DNAH17: variants seen among roughly 807,000 people sequenced by gnomAD.
The protein encoded by DNAH17 is dynein axonemal heavy chain 17, also known as axonemal beta dynein heavy chain 17.
A neutral mutation model predicts 485.6 loss-of-function variants in DNAH17; 376 were observed. That is an observed-to-expected ratio of 0.77 (90% confidence interval 0.71 to 0.84). The LOEUF is 0.84. Among genes scored for constraint, DNAH17 ranks in the 40% least tolerant of loss-of-function variants. DNAH17 has a pLI of 0.00. For synonymous variants in DNAH17, 3,031 were observed against 2,405.9 expected, an observed-to-expected ratio of 1.26 and a Z score of -7.60; for missense variants, 6,370 against 5,839.3, an observed-to-expected ratio of 1.09 and a Z score of -2.96.
intron 63 of DNAH17, 80 bp from the exon 64 acceptor site, chr17:78,454,785 C>A: frequency 8.0e-7 from 1 of 1,254,500 alleles, no homozygotes. Flanking sequence ...AAATAATGCT[C>A]TGTCTGGTGC....
At chr17:78,451,370 C>T (rs1007177894) in intron 66 of DNAH17, 99 bp downstream of exon 66, 2 of 1,137,438 alleles carry the variant, frequency 1.8e-6, no homozygotes, top group Non-Finnish European at 2.5e-6. Context: ...CAACGACACA[C>T]ACTGGACTGG....
intron 56 of DNAH17, 92 bp downstream of exon 56, chr17:78,466,563 C>A: frequency 2.2e-6 from 3 of 1,353,296 alleles, no homozygotes; most frequent in Non-Finnish European, 2.9e-6. Context: ...TCACCCTAAT[C>A]CCAGCGCCCT....
intron 9 of DNAH17, 145 bp from the exon 10 acceptor site, chr17:78,567,311 C>A (rs2092283451): frequency 1.3e-6 from 1 of 762,402 alleles, no homozygotes. Context: ...GGAGGACACC[C>A]TCTGTGTCTG....
intron 16 of DNAH17, among the ~76,000 whole-genome samples, chr17:78,549,405 G>A (rs192321835): frequency 5.3e-5 from 8 of 152,290 alleles, no homozygotes; most frequent in Non-Finnish European, 1.0e-4. Context: ...AGGACAGTGG[G>A]CCCAAGTGTT....
At position 78,501,723 on chromosome 17, in the gene DNAH17, G is replaced by A. The variant is rs570608890; in HGVS notation, c.5322+19C>T. On this transcript the variant is annotated intron_variant, in intron 34 of 80. Coordinates refer to ENST00000389840, the MANE Select transcript of DNAH17 (RefSeq NM_173628.4). ...TCCCCTTGCCCTTCCCCTGGCCCCT[G>A]GGACAGGGGCGCTCATGCCTTGGCC... 5 of 1,609,904 alleles carry A rather than the reference G, an allele frequency of 3.1e-6. No individual in the cohort carries two copies. The highest frequency in any genetic ancestry group is 4.5e-5 in the East Asian group (2 of 44,832).
chr17:78,529,322 T>C, intron 22 of DNAH17, 150 bp downstream of exon 22: 2 of 775,582 alleles, frequency 2.6e-6, no homozygotes, highest in South Asian at 3.5e-5. Context: ...ACCTCCTCCC[T>C]GCACCTCCCT....
intron 62 of DNAH17, among the ~76,000 whole-genome samples, chr17:78,457,239 C>T (rs1333373182): frequency 6.6e-6 from 1 of 152,164 alleles, no homozygotes; most frequent in Non-Finnish European, 1.5e-5. Flanking sequence ...GGTGTGGTGG[C>T]ACGCATCTGT....
intron 7 of DNAH17, 139 bp downstream of exon 7, chr17:78,570,108 G>C (rs571596169): frequency 3.1e-6 from 3 of 970,124 alleles, no homozygotes; most frequent in South Asian, 1.8e-5. Flanking sequence ...ATCTCAGCTC[G>C]GGGCCTGAAA....
intron 73 of DNAH17, among the ~76,000 whole-genome samples, chr17:78,438,787 C>T (rs1457381720): frequency 2.0e-5 from 3 of 152,094 alleles, no homozygotes; most frequent in Admixed American, 6.5e-5. Flanking sequence ...GTGTGAGCCA[C>T]CGTGCCCAAC....
At chr17:78,534,217 T>TA (rs2143345735) in intron 19 of DNAH17, among the ~76,000 whole-genome samples, 1 of 152,328 alleles carries the variant, frequency 6.6e-6, no homozygotes, top group African/African-American at 2.4e-5. Flanking sequence ...AGACAGCCTA[T>TA]AGCCCAGAGC....
In DNAH17 at chr17:78,475,449, C is replaced by A. The variant is rs2088970224; in HGVS notation, c.8340G>T (p.Val2780=). 1 of 1,613,748 alleles carries A rather than the reference C, an allele frequency of 6.2e-7. No homozygotes were observed. Among genetic ancestry groups the A allele is most frequent in the South Asian group, 1.1e-5 (1 of 91,080 alleles). ...TGCGATTAATCCTGCAGATGTGAGCCACGGCGTCCTCAAACAGCACCTGCA... is the reference window on the plus strand; with the variant it reads ...TGCGATTAATCCTGCAGATGTGAGCAACGGCGTCCTCAAACAGCACCTGCA... The part of the protein sequence containing the change: ...VMNLVLFEDA[V]AHICRINRIL... Residue 2780 remains valine (V), a synonymous_variant, in exon 54 of 81, where the codon GTG becomes GTT. Coordinates refer to ENST00000389840, the MANE Select transcript of DNAH17 (RefSeq NM_173628.4).
chr17:78,486,706 C>T (rs761400874), intron 44 of DNAH17, among the ~76,000 whole-genome samples, 200 bp from the exon 45 acceptor site: 4 of 152,182 alleles, frequency 2.6e-5, no homozygotes, highest in Non-Finnish European at 5.9e-5. Flanking sequence ...AGGAGGATGC[C>T]AGGGTCGTGG....
intron 25 of DNAH17, among the ~76,000 whole-genome samples, chr17:78,516,794 G>A (rs753133376): frequency 6.6e-6 from 1 of 151,986 alleles, no homozygotes; most frequent in African/African-American, 2.4e-5. Flanking sequence ...TTAAGGCCTG[G>A]CTGTAATAAA....
intron 7 of DNAH17, 95 bp from the exon 8 acceptor site, chr17:78,569,622 C>G: frequency 7.1e-7 from 1 of 1,402,554 alleles, no homozygotes; most frequent in Non-Finnish European, 9.5e-7. Flanking sequence ...TCTGTTCTGA[C>G]ATATGGATAT....
chr17:78,544,012 C>T lies in DNAH17; in HGVS notation c.2392-15G>A, dbSNP rs1311927070. Reference sequence around the variant, plus strand: ...GCCGACCAGTCCTGGAAGGAAAGCACAGGAGTGAGAAAAGGTGTTCTGGAG... The same window carrying T: ...GCCGACCAGTCCTGGAAGGAAAGCATAGGAGTGAGAAAAGGTGTTCTGGAG... On this transcript the variant is annotated splice_polypyrimidine_tract_variant and intron_variant, in intron 16 of 80. Transcript: ENST00000389840. 9 of 1,613,804 alleles carry T rather than the reference C, an allele frequency of 5.6e-6. No homozygotes were observed. The highest frequency in any genetic ancestry group is 7.6e-6 in the Non-Finnish European group (9 of 1,179,862).
At chr17:78,576,755 C>A (rs956451742) in intron 1 of DNAH17, among the ~76,000 whole-genome samples, 1 of 152,180 alleles carries the variant, frequency 6.6e-6, no homozygotes, top group Non-Finnish European at 1.5e-5. Context: ...ACAAAGTCAT[C>A]TTTTCTTCCA....
intron 54 of DNAH17, among the ~76,000 whole-genome samples, chr17:78,469,486 A>C (rs537914218): frequency 1.3e-5 from 2 of 152,302 alleles, no homozygotes; most frequent in Non-Finnish European, 2.9e-5. Context: ...GCGGTGGCTC[A>C]TGCTTATAAT....
At chr17:78,451,727 G>A in intron 65 of DNAH17, 54 bp from the exon 66 acceptor site, 1 of 1,475,982 alleles carries the variant, frequency 6.8e-7, no homozygotes, top group Non-Finnish European at 9.1e-7. Context: ...CAGGGGAGAG[G>A]AACACAAGTA....
chr17:78,486,484 T>C lies in DNAH17; in HGVS notation c.6841A>G (p.Arg2281Gly). The C allele has an allele frequency of 6.2e-7, 1 of 1,609,854 alleles. No individual in the cohort carries two copies. The highest frequency in any genetic ancestry group is 8.5e-7 in the Non-Finnish European group (1 of 1,177,416). ...GCCTTCTCCGACTGCACCTTGCGCC[T>C]CTCGATCCAGCTGCTCACCACCCTG... ...WNPVVSSWIE[R>G]RKVQSEKANL... The change falls in exon 45 of 81, where the codon AGG becomes GGG. Residue 2281 changes from arginine (R) to glycine (G), a missense_variant. By Grantham distance (125) the Arg-to-Gly change is moderately radical. Transcript: ENST00000389840.
Sources: gnomAD v4.1 joint callset for allele counts (sites outside exome capture counted in the v4.1 genomes callset) on GRCh38, gnomAD v4.1.1 for gene constraint, MANE v1.5 for transcripts, NCBI Gene and HGNC (gene_info 2026-07-23, HGNC 2026-07-21) for gene names.